Variants in POMK observed in about 807,000 individuals in gnomAD.
The protein encoded by POMK is Sugen kinase 196.
In POMK, 19 loss-of-function variants were observed where a neutral mutation model predicts 23.0. The ratio of observed to expected loss-of-function variants is 0.83; its 90% CI spans 0.58 to 1.21. The LOEUF is 1.21. Among genes scored for constraint, POMK ranks in the 50% most tolerant of loss-of-function variants. The pLI is 0.00. For missense variants in POMK, 410 were observed against 431.3 expected (o/e 0.95, Z 0.44); for synonymous variants, 173 against 171.6 (o/e 1.01, Z -0.06).
intron 4 of POMK, among the ~76,000 whole-genome samples, chr8:43,114,633 G>C (rs1811756077): frequency 1.3e-5 from 2 of 152,220 alleles, no homozygotes; most frequent in South Asian, 2.1e-4. Flanking sequence ...TGCACCCACT[G>C]TCTGGCACTC....
intron 4 of POMK, among the ~76,000 whole-genome samples, chr8:43,114,109 C>T (rs535706881): frequency 7.2e-5 from 11 of 152,296 alleles, no homozygotes; most frequent in East Asian, 5.8e-4. Context: ...TCTCCAGCTG[C>T]GTGCTGGGAG....
At chr8:43,115,466 G>A (rs961001388) in intron 4 of POMK, among the ~76,000 whole-genome samples, 1 of 151,972 alleles carries the variant, frequency 6.6e-6, no homozygotes, top group African/African-American at 2.4e-5. Context: ...CTGCTGTTCT[G>A]GCCACCTATC....
In POMK at chr8:43,117,324, AATC is replaced by A. The variant is rs576404635; in HGVS notation, c.283-4780_283-4778del. Among the ~76,000 whole-genome samples the A allele has an allele frequency of 8.0e-4, 122 of 152,348 alleles. 1 individual carries two copies. Among genetic ancestry groups the A allele is most frequent in the Admixed American group, 1.7e-3 (26 of 15,304 alleles). On this transcript the variant is annotated intron_variant, in intron 4 of 4. Coordinates refer to ENST00000331373, the MANE Select transcript of POMK (RefSeq NM_032237.5). ...TGACGAGAGAAATGTTATTAAGAAA[AATC>A]ATAAGAAAAAATACATTTACTGTTA...
At chr8:43,114,397 C>T (rs1303495348) in intron 4 of POMK, among the ~76,000 whole-genome samples, 4 of 152,230 alleles carry the variant, frequency 2.6e-5, no homozygotes, top group Admixed American at 6.5e-5. Context: ...ACTCCGTGGG[C>T]GTAGGACCCT....
chr8:43,119,057 C>T (rs868394943), intron 4 of POMK, among the ~76,000 whole-genome samples: 59 of 152,202 alleles, frequency 3.9e-4, no homozygotes, highest in African/African-American at 7.9e-4. Context: ...GTGATCCACC[C>T]GCCTCGGCCT....
At chr8:43,104,512 C>T (rs560543345) in intron 4 of POMK, among the ~76,000 whole-genome samples, 28 of 152,248 alleles carry the variant, frequency 1.8e-4, no homozygotes, top group East Asian at 1.2e-3. Flanking sequence ...ATCCACTTGA[C>T]GGAATATTCT....
chr8:43,095,923 G>A (rs940864385), intron 1 of POMK, among the ~76,000 whole-genome samples: 1 of 152,184 alleles, frequency 6.6e-6, no homozygotes, highest in Non-Finnish European at 1.5e-5. Flanking sequence ...AACTTGGATT[G>A]GAGAAGGAGG....
chr8:43,100,184 G>A (rs890674699), intron 2 of POMK, among the ~76,000 whole-genome samples: 2 of 152,164 alleles, frequency 1.3e-5, no homozygotes, highest in Admixed American at 1.3e-4. Flanking sequence ...GGAATGGGTG[G>A]TGGAGCCGGG....
At chr8:43,099,067 C>T (rs907904314) in intron 2 of POMK, among the ~76,000 whole-genome samples, 3 of 152,202 alleles carry the variant, frequency 2.0e-5, no homozygotes, top group African/African-American at 7.2e-5. Flanking sequence ...CCACCTCAGC[C>T]TCCTGAGTAG....
chr8:43,117,206 ACTT>A (rs1409739800), intron 4 of POMK, among the ~76,000 whole-genome samples: 1 of 152,128 alleles, frequency 6.6e-6, no homozygotes, highest in Admixed American at 6.5e-5. Context: ...GGGCAAATTC[ACTT>A]CTTTTGTGAT....
At chr8:43,120,147 G>A (rs1811883009) in intron 4 of POMK, among the ~76,000 whole-genome samples, 1 of 150,726 alleles carries the variant, frequency 6.6e-6, no homozygotes, top group Non-Finnish European at 1.5e-5. Context: ...ATTTAAATTT[G>A]TCTCGTTTTA....
chr8:43,112,841 ATACTT>A (rs1382936460), intron 4 of POMK, among the ~76,000 whole-genome samples: 2 of 152,228 alleles, frequency 1.3e-5, no homozygotes, highest in African/African-American at 4.8e-5. Flanking sequence ...GAGAAATAAA[ATACTT>A]TACAGACAAG....
chr8:43,099,958 G>A (rs1397608690), intron 2 of POMK, among the ~76,000 whole-genome samples: 1 of 152,162 alleles, frequency 6.6e-6, no homozygotes, highest in Admixed American at 6.6e-5. Context: ...AAGGCCACTC[G>A]GGACACACCT....
intron 4 of POMK, among the ~76,000 whole-genome samples, chr8:43,114,259 C>T (rs982810478): frequency 6.6e-6 from 1 of 152,228 alleles, no homozygotes; most frequent in African/African-American, 2.4e-5. Flanking sequence ...GTGGTGGGCT[C>T]CACCCAGTTA....
chr8:43,115,107 T>C (rs578147721), intron 4 of POMK, among the ~76,000 whole-genome samples: 1 of 152,358 alleles, frequency 6.6e-6, no homozygotes, highest in Non-Finnish European at 1.5e-5. Flanking sequence ...CCTTGTGATG[T>C]CTTAATGTTT....
chr8:43,121,958 A>G (rs1586680712), intron 4 of POMK, 149 bp from the exon 5 acceptor site: 1 of 763,434 alleles, frequency 1.3e-6, no homozygotes, highest in East Asian at 2.5e-5. Context: ...CTTCATAACT[A>G]GACGGAGAGC....
At chr8:43,103,114 C>T (rs1811476402) in intron 3 of POMK, among the ~76,000 whole-genome samples, 1 of 152,240 alleles carries the variant, frequency 6.6e-6, no homozygotes, top group Non-Finnish European at 1.5e-5. Flanking sequence ...CAGAGGCCCT[C>T]AGCTTCCCAG....
At chr8:43,116,065 G>T (rs1438398814) in intron 4 of POMK, among the ~76,000 whole-genome samples, 1 of 152,176 alleles carries the variant, frequency 6.6e-6, no homozygotes, top group African/African-American at 2.4e-5. Flanking sequence ...GTTTAAAATT[G>T]CAAACCATCC....
chr8:43,123,099 G>A lies in POMK; in HGVS notation c.*222G>A. ...TGAGATGCGGTCTTGCTCTGTTGCT[G>A]AGGCTGGAGTGCAGTGATGTGATCT... On this transcript the variant is annotated 3_prime_UTR_variant, in exon 5 of 5. Transcript: ENST00000331373. 2.0e-6 allele frequency: 1 copy of A among 497,174 alleles called. No homozygotes were observed. Among genetic ancestry groups the A allele is most frequent in the Non-Finnish European group, 3.6e-6 (1 of 279,640 alleles). The allele number at this position is 497,174 out of a possible 1,614,324, so 30.8% of individuals were successfully genotyped here. A position where few individuals can be genotyped will look rare whatever the true frequency, so the allele number is the denominator to read the frequency against.
Sources: gnomAD v4.1 joint callset for allele counts (sites outside exome capture counted in the v4.1 genomes callset) on GRCh38, gnomAD v4.1.1 for gene constraint, MANE v1.5 for transcripts, NCBI Gene and HGNC (gene_info 2026-07-23, HGNC 2026-07-21) for gene names.